The following ZNF782 variants were observed in gnomAD, a reference collection of about 807,000 sequenced individuals.
ZNF782 encodes zinc finger protein 782.
In ZNF782, 12 loss-of-function variants were observed where a neutral mutation model predicts 13.0. That is an observed-to-expected ratio of 0.92 (90% CI 0.59 to 1.50). ZNF782 has a LOEUF of 1.50. ZNF782 is among the 40% of genes most tolerant of loss of function. ZNF782 has a pLI of 0.00. For missense variants in ZNF782, 770 were observed against 822.9 expected (o/e 0.94, Z 0.79); for synonymous variants, 284 against 283.0 (o/e 1.00, Z -0.04).
chr9:96,930,390 G>C, the ZNF782 span, among the ~76,000 whole-genome samples: 2 of 152,212 alleles, frequency 1.3e-5, no homozygotes, highest in East Asian at 3.9e-4. Context: ...TGGGCATGGT[G>C]GCGGGAGCCT....
the ZNF782 span, among the ~76,000 whole-genome samples, chr9:96,931,089 C>T: frequency 5.5e-4 from 83 of 151,830 alleles, 5 homozygotes; most frequent in South Asian, 0.017. Flanking sequence ...GGTTTCACCA[C>T]GTTGGCCAGA....
the ZNF782 span, chr9:96,887,326 GAAGGAAGGAAGGAAGAAAGAAAGA>G: frequency 1.4e-5 from 2 of 140,194 alleles, no homozygotes; most frequent in African/African-American, 5.2e-5. Context: ...AGGAAGGAAG[GAAGGAAGGAAGGAAGAAAGAAAGA>G]AAGATACGAA....
At chr9:96,888,487 C>T in the ZNF782 span, 1 of 151,740 alleles carries the variant, frequency 6.6e-6, no homozygotes, top group Non-Finnish European at 1.5e-5. Flanking sequence ...GATAAAACTA[C>T]TAGACATAAT....
At chr9:96,823,391 C>T (rs1486370524) in intron 5 of ZNF782, among the ~76,000 whole-genome samples, 1 of 152,202 alleles carries the variant, frequency 6.6e-6, no homozygotes, top group Non-Finnish European at 1.5e-5. Context: ...TTCCTCAGAA[C>T]ACTTGCAGTT....
chr9:96,883,842 A>C, the ZNF782 span, among the ~76,000 whole-genome samples: 1 of 152,230 alleles, frequency 6.6e-6, no homozygotes, highest in African/African-American at 2.4e-5. Flanking sequence ...CTGCAGGGTG[A>C]TGAGTTCTCT....
rs1850325513 is a variant in ZNF782 at position 96,819,401 on chromosome 9, T to C, written c.622A>G (p.Ile208Val). The C allele has an allele frequency of 1.2e-6, 2 of 1,606,044 alleles. No individual in the cohort carries two copies. Among genetic ancestry groups the C allele is most frequent in the Non-Finnish European group, 8.5e-7 (1 of 1,177,666 alleles). ...HKEEVIQHQTIQTLGQDFEYN... is the reference protein window; with the variant it reads ...HKEEVIQHQTVQTLGQDFEYN... The stretch of plus-strand genomic sequence containing the variant: ...TCAAAATCTTGCCCCAGAGTCTGAA[T>C]TGTCTGATGTTGAATAACTTCCTCC... The change falls in exon 6 of 6, where the codon ATT becomes GTT. Residue 208 changes from isoleucine (I) to valine (V), a missense_variant. By Grantham distance (29) the Ile-to-Val change is conservative. Coordinates refer to ENST00000481138, the MANE Select transcript of ZNF782 (RefSeq NM_001001662.3).
chr9:96,912,387 G>A, the ZNF782 span, among the ~76,000 whole-genome samples: 1 of 148,734 alleles, frequency 6.7e-6, no homozygotes, highest in Non-Finnish European at 1.5e-5. Context: ...TTGGCTGGGC[G>A]TAGTGGCGGG....
intron 4 of ZNF782, among the ~76,000 whole-genome samples, chr9:96,840,982 A>G (rs1851171446): frequency 6.6e-6 from 1 of 152,034 alleles, no homozygotes; most frequent in Admixed American, 6.5e-5. Context: ...TGAAAAGAGC[A>G]GTAACCTTGT....
intron 3 of ZNF782, among the ~76,000 whole-genome samples, chr9:96,845,602 C>T (rs1006495324): frequency 5.9e-5 from 9 of 152,108 alleles, no homozygotes; most frequent in East Asian, 5.8e-4. Flanking sequence ...ATTATTATCT[C>T]GTGCAGCTGT....
chr9:96,833,080 T>C (rs555611788), intron 4 of ZNF782, among the ~76,000 whole-genome samples: 1 of 152,324 alleles, frequency 6.6e-6, no homozygotes, highest in African/African-American at 2.4e-5. Flanking sequence ...TCTCTTCTGC[T>C]GCTGTGCACA....
upstream of ZNF782, among the ~76,000 whole-genome samples, chr9:96,876,158 G>T (rs1474710781): frequency 6.6e-6 from 1 of 152,136 alleles, no homozygotes; most frequent in Non-Finnish European, 1.5e-5. Context: ...TGCCAAACAC[G>T]TTGGAAACAA....
At chr9:96,884,401 A>G in the ZNF782 span, among the ~76,000 whole-genome samples, 1 of 152,240 alleles carries the variant, frequency 6.6e-6, no homozygotes, top group Non-Finnish European at 1.5e-5. Flanking sequence ...ACTTGGCAAC[A>G]ACAAGGCAGA....
In ZNF782 at chr9:96,817,914, T is replaced by C. The variant is rs1850222950; in HGVS notation, c.*9A>G. 2 of 1,538,238 alleles carry C rather than the reference T, an allele frequency of 1.3e-6. No homozygotes were observed. The highest frequency in any genetic ancestry group is 2.8e-5 in the African/African-American group (2 of 72,020). On this transcript the variant is annotated 3_prime_UTR_variant, in exon 6 of 6. Transcript: ENST00000481138. ...TCAGAGTTTTTTCGTATTCTTTATA[T>C]GCATACATTTAATCCCCTGGGTGGG...
upstream of ZNF782, among the ~76,000 whole-genome samples, chr9:96,879,839 TCTTG>T (rs200894402): frequency 0.014 from 2,068 of 152,366 alleles, 14 homozygotes; most frequent in Non-Finnish European, 0.019. Context: ...CATTCTGTGA[TCTTG>T]CTTAACTCAC....
At chr9:96,901,869 CAAA>C in the ZNF782 span, among the ~76,000 whole-genome samples, 2,980 of 59,508 alleles carry the variant, frequency 0.05, 177 homozygotes, top group East Asian at 0.43. Context: ...AACTCTGTCT[CAAA>C]AAAAAAAAAA....
At chr9:96,905,320 C>T in the ZNF782 span, among the ~76,000 whole-genome samples, 3 of 149,538 alleles carry the variant, frequency 2.0e-5, no homozygotes, top group African/African-American at 7.6e-5. Flanking sequence ...CTAATTATAA[C>T]GCATTAGCAT....
the ZNF782 span, chr9:96,894,506 T>C: frequency 2.0e-5 from 3 of 152,124 alleles, no homozygotes; most frequent in African/African-American, 7.2e-5. Flanking sequence ...TGAAGTTTCC[T>C]CTTAGTAATT....
the ZNF782 span, among the ~76,000 whole-genome samples, chr9:96,919,564 A>AG: frequency 8.4e-6 from 1 of 118,622 alleles, no homozygotes; most frequent in African/African-American, 3.5e-5. Context: ...TTCTCAAATG[A>AG]GTTTTTTTTT....
At chr9:96,845,735 T>A (rs540823870) in intron 3 of ZNF782, among the ~76,000 whole-genome samples, 15 of 152,326 alleles carry the variant, frequency 9.8e-5, no homozygotes, top group African/African-American at 3.6e-4. Flanking sequence ...TAATTGATGT[T>A]TCTGAGGGAG....
Sources: gnomAD v4.1 joint callset for allele counts (sites outside exome capture counted in the v4.1 genomes callset) on GRCh38, gnomAD v4.1.1 for gene constraint, MANE v1.5 for transcripts, NCBI Gene and HGNC (gene_info 2026-07-23, HGNC 2026-07-21) for gene names.